F5: variants seen among roughly 807,000 people sequenced by gnomAD.
F5 encodes activated protein c cofactor.
A neutral mutation model predicts 216.4 loss-of-function variants in F5; 138 were observed. The observed-to-expected ratio is 0.64, with a 90% CI of 0.56 to 0.73. The LOEUF is 0.73. Ranked by LOEUF, F5 falls within the 30% of genes least tolerant of loss-of-function variation. F5 has a pLI of 0.00. For missense variants in F5, 2,403 were observed against 2,674.0 expected (o/e 0.90, Z 2.24); for synonymous variants, 916 against 930.7 (o/e 0.98, Z 0.29).
At chr1:169,530,605 C>T (rs1046006959) in intron 15 of F5, among the ~76,000 whole-genome samples, 181 bp downstream of exon 15, 13 of 152,334 alleles carry the variant, frequency 8.5e-5, no homozygotes, top group Admixed American at 8.5e-4. Context: ...TCTCTGTCAT[C>T]TGAAGAGCTG....
At chr1:169,532,748 AC>A (rs375588556) in intron 14 of F5, among the ~76,000 whole-genome samples, 265 of 152,312 alleles carry the variant, frequency 1.7e-3, no homozygotes, top group African/African-American at 6.1e-3. Context: ...AAATGGAAAA[AC>A]ATTCTATGCT....
chr1:169,548,873 G>GAAAAAAAA (rs375498661), intron 10 of F5, among the ~76,000 whole-genome samples: 1 of 104,586 alleles, frequency 9.6e-6, no homozygotes. Context: ...TGTCTCAAAA[G>GAAAAAAAA]AAAAAAAAAA....
chr1:169,521,946 C>T (rs1659320683), intron 21 of F5, among the ~76,000 whole-genome samples: 1 of 151,872 alleles, frequency 6.6e-6, no homozygotes, highest in Non-Finnish European at 1.5e-5. Context: ...ATCGACAAAT[C>T]TCTAGCAAGA....
At chr1:169,531,086 C>G (rs1311480630) in intron 14 of F5, 64 bp from the exon 15 acceptor site, 1 of 1,250,834 alleles carries the variant, frequency 8.0e-7, no homozygotes, top group African/African-American at 1.5e-5. Context: ...ACAAAAATGT[C>G]AGCATTATAA....
intron 17 of F5, 89 bp downstream of exon 17, chr1:169,527,826 T>C (rs1659495139): frequency 7.3e-6 from 11 of 1,511,092 alleles, no homozygotes; most frequent in South Asian, 4.7e-5. Context: ...TTAGGAAGTA[T>C]ATGCACAAGG....
rs978071658 is a variant in F5 at position 169,518,694 on chromosome 1, T to G, written c.6194-131A>C. On this transcript the variant is annotated intron_variant, in intron 22 of 24. Transcript: ENST00000367797. Reference sequence around the variant, plus strand: ...AAACAATAACCACAACAATGAAGATTTATTGAATCCAAGTGCCAAATACTG... The same window carrying G: ...AAACAATAACCACAACAATGAAGATGTATTGAATCCAAGTGCCAAATACTG... The G allele has an allele frequency of 2.9e-6, 3 of 1,035,176 alleles. No homozygotes were observed. The African/African-American group carries it at 4.8e-5, about 16-fold the overall frequency. The allele number at this position is 1,035,176 out of a possible 1,614,324, so 64.1% of individuals were successfully genotyped here.
chr1:169,582,349 A>G (rs1661008263), intron 2 of F5, 82 bp downstream of exon 2: 1 of 729,300 alleles, frequency 1.4e-6, no homozygotes, highest in African/African-American at 1.8e-5. Flanking sequence ...TTTTCAGTAA[A>G]TGGATATTTT....
intron 22 of F5, 76 bp downstream of exon 22, chr1:169,520,444 C>A (rs1440880108): frequency 6.3e-7 from 1 of 1,579,532 alleles, no homozygotes; most frequent in African/African-American, 1.3e-5. Context: ...ACTAAAAATT[C>A]TACTCATTCT....
At chr1:169,566,115 C>G (rs6685578) in intron 3 of F5, among the ~76,000 whole-genome samples, 90,601 of 151,970 alleles carry the variant, frequency 0.6, 28,442 homozygotes, top group East Asian at 0.87. Flanking sequence ...CAGAACTTGT[C>G]TATTAACTGA....
intron 14 of F5, among the ~76,000 whole-genome samples, chr1:169,533,889 T>C (rs1659644140): frequency 6.6e-6 from 1 of 152,124 alleles, no homozygotes; most frequent in South Asian, 2.1e-4. Flanking sequence ...ACCCCTCATA[T>C]TGTCTTATGC....
At chr1:169,582,574 C>A in intron 1 of F5, 52 bp from the exon 2 acceptor site, 1 of 968,462 alleles carries the variant, frequency 1.0e-6, no homozygotes, top group Non-Finnish European at 1.6e-6. Context: ...ATATCTATTT[C>A]TCACATTACA....
At chr1:169,528,709 C>G (rs796265131) in intron 16 of F5, among the ~76,000 whole-genome samples, 3 of 152,098 alleles carry the variant, frequency 2.0e-5, no homozygotes. Context: ...CAGTAAAATA[C>G]GCGGATTTTT....
chr1:169,568,680 C>T (rs778564116), intron 3 of F5, among the ~76,000 whole-genome samples: 2 of 152,110 alleles, frequency 1.3e-5, no homozygotes, highest in Non-Finnish European at 2.9e-5. Flanking sequence ...TATATTTACT[C>T]AGTTCTGTTC....
At chr1:169,527,603 G>T (rs1659489245) in intron 17 of F5, among the ~76,000 whole-genome samples, 1 of 152,076 alleles carries the variant, frequency 6.6e-6, no homozygotes, top group African/African-American at 2.4e-5. Flanking sequence ...AGCCCTGTGG[G>T]ATTCATTTTT....
intron 10 of F5, among the ~76,000 whole-genome samples, chr1:169,548,525 G>C (rs145223959): frequency 6.6e-6 from 1 of 152,048 alleles, no homozygotes; most frequent in Admixed American, 6.6e-5. Flanking sequence ...TAGAGCTAAA[G>C]GTAATATGCA....
chr1:169,538,302 A>G (rs1659753057), intron 13 of F5, among the ~76,000 whole-genome samples: 1 of 152,194 alleles, frequency 6.6e-6, no homozygotes. Flanking sequence ...TAGAAGCAGA[A>G]GGTAGAACAG....
At position 169,529,796 on chromosome 1, in the gene F5, A is replaced by G. The variant is rs570184152; in HGVS notation, c.5231T>C (p.Leu1744Ser). 1.2e-6 allele frequency: 2 copies of G among 1,613,530 alleles called. No individual in the cohort carries two copies. The highest frequency in any genetic ancestry group is 1.7e-5 in the Admixed American group (1 of 59,990). Residue 1744 changes from leucine to serine, a missense_variant, in exon 16 of 25, where the codon TTG becomes TCG. By Grantham distance (145) the Leu-to-Ser change is moderately radical. Transcript: ENST00000367797. Reference protein sequence around the residue: ...VNPEKDIHSGLIGPLLICQKG... With the variant: ...VNPEKDIHSGSIGPLLICQKG... ...TTGGCAGATTAGGAGGGGACCTATC[A>G]AGCCTGAGTGAATATCTTTTTCCTG...
At chr1:169,556,926 A>C in intron 5 of F5, 59 bp from the exon 6 acceptor site, 1 of 1,467,038 alleles carries the variant, frequency 6.8e-7, no homozygotes, top group South Asian at 1.2e-5. Flanking sequence ...CTCTGTGATC[A>C]AACATTCACT....
intron 2 of F5, among the ~76,000 whole-genome samples, chr1:169,578,318 T>A (rs1011070264): frequency 6.6e-6 from 1 of 152,184 alleles, no homozygotes; most frequent in Non-Finnish European, 1.5e-5. Context: ...TTGGAGACTG[T>A]TCTCACCAAC....
Sources: allele counts gnomAD v4.1 joint callset (sites outside exome capture counted in the v4.1 genomes callset), GRCh38; gene constraint gnomAD v4.1.1; transcripts MANE v1.5; gene names NCBI Gene and HGNC (gene_info 2026-07-23, HGNC 2026-07-21).